Variants in FRMD4A observed in about 807,000 individuals in gnomAD.
FRMD4A encodes FERM domain containing 4A.
A neutral mutation model predicts 129.1 loss-of-function variants in FRMD4A; 29 were observed. The ratio of observed to expected loss-of-function variants is 0.22; its 90% CI spans 0.17 to 0.31. The LOEUF is 0.31. FRMD4A is among the 10% of genes least tolerant of loss of function. The pLI, the probability that FRMD4A is intolerant of heterozygous loss-of-function variation, is 1.00. For missense variants in FRMD4A, 1,272 were observed against 1,375.8 expected (o/e 0.92, Z 1.19); for synonymous variants, 634 against 571.6 (o/e 1.11, Z -1.56).
chr10:13,878,408 A>G (rs2094510632), intron 2 of FRMD4A, among the ~76,000 whole-genome samples: 1 of 151,976 alleles, frequency 6.6e-6, no homozygotes, highest in Admixed American at 6.6e-5. Flanking sequence ...GTCACACCAA[A>G]CCCTTTGATA....
At chr10:13,690,059 A>G (rs2085535206) in intron 15 of FRMD4A, among the ~76,000 whole-genome samples, 1 of 152,208 alleles carries the variant, frequency 6.6e-6, no homozygotes, top group African/African-American at 2.4e-5. Context: ...AGGAGGTGAA[A>G]GAGAGAAAAC....
intron 12 of FRMD4A, among the ~76,000 whole-genome samples, chr10:13,713,283 ATAAG>A (rs1180866267): frequency 1.3e-5 from 2 of 152,184 alleles, no homozygotes; most frequent in African/African-American, 4.8e-5. Context: ...CAGAGGTTAA[ATAAG>A]TAATTGATGA....
intron 4 of FRMD4A, among the ~76,000 whole-genome samples, chr10:13,808,074 C>T (rs759019443): frequency 5.3e-5 from 8 of 152,334 alleles, no homozygotes; most frequent in South Asian, 2.1e-4. Flanking sequence ...GCTGGGATTA[C>T]AGGTGTGAGC....
chr10:14,190,584 T>C (rs757006678), intron 2 of FRMD4A, among the ~76,000 whole-genome samples: 1 of 152,200 alleles, frequency 6.6e-6, no homozygotes, highest in Non-Finnish European at 1.5e-5. Context: ...TGGAGTTTTC[T>C]TGTGTTGCCC....
chr10:14,317,756 GAAAAA>G (rs66793271), intron 2 of FRMD4A, among the ~76,000 whole-genome samples: 1 of 123,370 alleles, frequency 8.1e-6, no homozygotes, highest in African/African-American at 3.1e-5. Flanking sequence ...ACAAGAGACG[GAAAAA>G]AAAAAAAAAA....
intron 2 of FRMD4A, among the ~76,000 whole-genome samples, chr10:14,001,604 A>G (rs998417100): frequency 1.3e-5 from 2 of 152,218 alleles, no homozygotes; most frequent in African/African-American, 4.8e-5. Flanking sequence ...ATAAGCTGCT[A>G]TACAAAACAA....
chr10:13,705,136 G>A (rs1431936122), intron 13 of FRMD4A, among the ~76,000 whole-genome samples: 2 of 152,150 alleles, frequency 1.3e-5, no homozygotes, highest in Admixed American at 1.3e-4. Flanking sequence ...TAAGGAAGAA[G>A]ACCCTGCCTC....
intron 2 of FRMD4A, among the ~76,000 whole-genome samples, chr10:13,875,754 T>C (rs1324584791): frequency 6.6e-6 from 1 of 152,162 alleles, no homozygotes; most frequent in Non-Finnish European, 1.5e-5. Context: ...GCTGCATCGG[T>C]GGCCTACATA....
intron 12 of FRMD4A, among the ~76,000 whole-genome samples, chr10:13,731,184 G>A (rs1015128065): frequency 2.0e-5 from 3 of 152,102 alleles, no homozygotes; most frequent in Non-Finnish European, 2.9e-5. Flanking sequence ...GGAGAGAGGA[G>A]AGCTACAAAG....
At chr10:14,046,633 C>T (rs1217545762) in intron 2 of FRMD4A, among the ~76,000 whole-genome samples, 1 of 152,120 alleles carries the variant, frequency 6.6e-6, no homozygotes, top group Non-Finnish European at 1.5e-5. Flanking sequence ...TGGTTGCAGC[C>T]TTTCTGGTTC....
intron 2 of FRMD4A, among the ~76,000 whole-genome samples, chr10:14,209,782 G>T (rs2131954026): frequency 6.6e-6 from 1 of 151,656 alleles, no homozygotes; most frequent in Admixed American, 6.6e-5. Flanking sequence ...GCTAATCCCA[G>T]GAGACTGAGG....
At chr10:13,987,022 A>G (rs1197933658) in intron 2 of FRMD4A, among the ~76,000 whole-genome samples, 3 of 152,160 alleles carry the variant, frequency 2.0e-5, no homozygotes, top group African/African-American at 7.2e-5. Context: ...TGTTCTGGCT[A>G]TGTGACTACA....
At chr10:13,690,933 G>A (rs1005127765) in intron 15 of FRMD4A, among the ~76,000 whole-genome samples, 1 of 152,222 alleles carries the variant, frequency 6.6e-6, no homozygotes, top group African/African-American at 2.4e-5. Flanking sequence ...AGTCCAGCCT[G>A]TGGGGAGTCA....
intron 2 of FRMD4A, among the ~76,000 whole-genome samples, chr10:14,039,368 G>GTCCGTCCGTCCGTCCGTCCGTCCA: frequency 9.1e-6 from 1 of 109,512 alleles, no homozygotes; most frequent in Middle Eastern, 4.3e-3. Flanking sequence ...CTGTCCGTCC[G>GTCCGTCCGTCCGTCCGTCCGTCCA]TCCATCCATC....
chr10:14,301,091 T>C (rs376990438), intron 2 of FRMD4A, among the ~76,000 whole-genome samples: 1 of 152,192 alleles, frequency 6.6e-6, no homozygotes, highest in East Asian at 1.9e-4. Flanking sequence ...CTCTAGATAG[T>C]AAAGATCAAG....
chr10:14,198,700 C>T (rs1046326376), intron 2 of FRMD4A, among the ~76,000 whole-genome samples: 12 of 152,146 alleles, frequency 7.9e-5, no homozygotes, highest in Admixed American at 3.3e-4. Context: ...ATCACATGTA[C>T]TGATTACCTT....
At chr10:13,962,689 T>G (rs1199150758) in intron 2 of FRMD4A, among the ~76,000 whole-genome samples, 1 of 152,182 alleles carries the variant, frequency 6.6e-6, no homozygotes, top group Non-Finnish European at 1.5e-5. Flanking sequence ...TAAGTAGACC[T>G]TTAGAAGCCC....
intron 2 of FRMD4A, among the ~76,000 whole-genome samples, chr10:13,942,449 G>A (rs563648642): frequency 5.2e-4 from 79 of 152,210 alleles, no homozygotes; most frequent in Non-Finnish European, 5.0e-4. Flanking sequence ...GGCCCTCAAG[G>A]CTACACTGGA....
At chr10:13,752,356 C>T (rs966843705) in intron 8 of FRMD4A, among the ~76,000 whole-genome samples, 3 of 152,106 alleles carry the variant, frequency 2.0e-5, no homozygotes, top group Admixed American at 6.5e-5. Flanking sequence ...GCAGATTTAA[C>T]CAAGATGCCA....
Sources: gnomAD v4.1 joint callset for allele counts (sites outside exome capture counted in the v4.1 genomes callset) on GRCh38, gnomAD v4.1.1 for gene constraint, MANE v1.5 for transcripts, NCBI Gene and HGNC (gene_info 2026-07-23, HGNC 2026-07-21) for gene names.